PTPRT: variants seen among roughly 807,000 people sequenced by gnomAD.
The protein encoded by PTPRT is receptor-type tyrosine-protein phosphatase T.
In PTPRT, 56 loss-of-function variants were observed where a neutral mutation model predicts 176.8. The observed-to-expected ratio is 0.32, with a 90% CI of 0.26 to 0.40. The LOEUF (loss-of-function observed/expected upper bound fraction) is 0.40. Ranked by LOEUF, PTPRT falls within the 10% of genes least tolerant of loss-of-function variation. The probability of loss-of-function intolerance (pLI) is 1.00; values close to 1 mark genes in which losing one functional copy is unlikely to be tolerated. For missense variants in PTPRT, 1,540 were observed against 1,908.2 expected (o/e 0.81, Z 3.60); for synonymous variants, 783 against 739.0 (o/e 1.06, Z -0.96).
rs574361525 is a variant in PTPRT at position 42,477,650 on chromosome 20, G to C, written c.1154-5088C>G. ...GGTTTGTTGAATTTACATCCCCCGT[G>C]TAAATACAGCCAAGCCTAGAGCCTA... On this transcript the variant is annotated intron_variant, in intron 7 of 30. Coordinates refer to ENST00000373187, the MANE Select transcript of PTPRT (RefSeq NM_007050.6). 4.6e-5 allele frequency among the ~76,000 whole-genome samples: 7 copies of C among 152,298 alleles called. No individual in the cohort carries two copies. In the South Asian group the frequency reaches 1.4e-3, roughly 32 times the overall value.
In PTPRT at chr20:42,512,723, T is replaced by C. The variant is rs12625343; in HGVS notation, c.1154-40161A>G. Among the ~76,000 whole-genome samples the C allele has an allele frequency of 4.9e-4, 74 of 152,320 alleles. 1 individual carries two copies. In the East Asian group the frequency reaches 0.011, roughly 22 times the overall value. ...ATGTTTTCAAGCTGACTGCATACACTGTTCTGCATTTTATAAAAATCAGTG... is the reference window on the plus strand; with the variant it reads ...ATGTTTTCAAGCTGACTGCATACACCGTTCTGCATTTTATAAAAATCAGTG... On this transcript the variant is annotated intron_variant, in intron 7 of 30. Transcript: ENST00000373187.
intron 1 of PTPRT, among the ~76,000 whole-genome samples, chr20:43,061,016 A>G (rs74394861): frequency 0.1 from 15,404 of 152,168 alleles, 931 homozygotes; most frequent in African/African-American, 0.15. Context: ...AGATAGCTAG[A>G]TATCTAGATA....
At chr20:43,119,043 A>G (rs1272257529) in intron 1 of PTPRT, among the ~76,000 whole-genome samples, 1 of 152,248 alleles carries the variant, frequency 6.6e-6, no homozygotes, top group African/African-American at 2.4e-5. Flanking sequence ...CAATCTAAAT[A>G]TCCAATATTA....
chr20:42,982,983 G>A (rs540124662), intron 1 of PTPRT, among the ~76,000 whole-genome samples: 4 of 152,222 alleles, frequency 2.6e-5, no homozygotes, highest in African/African-American at 7.2e-5. Context: ...ACGGCCAGCC[G>A]GGGTCAGCAA....
downstream of PTPRT, among the ~76,000 whole-genome samples, chr20:42,072,239 G>A (rs573273920): frequency 3.0e-4 from 45 of 152,308 alleles, no homozygotes; most frequent in South Asian, 1.2e-3. Context: ...CCCCAGCCAA[G>A]CCTTGCCTAG....
intron 1 of PTPRT, among the ~76,000 whole-genome samples, chr20:43,107,685 A>G (rs1197067952): frequency 6.6e-6 from 1 of 152,224 alleles, no homozygotes; most frequent in Non-Finnish European, 1.5e-5. Context: ...AGGTTTACAC[A>G]CTAGGGTAAT....
intron 3 of PTPRT, among the ~76,000 whole-genome samples, chr20:42,790,069 A>G (rs1269345318): frequency 6.6e-6 from 1 of 152,246 alleles, no homozygotes; most frequent in African/African-American, 2.4e-5. Context: ...GATTAACTGC[A>G]AATGAGCACA....
chr20:43,017,735 C>T (rs1985445881), intron 1 of PTPRT, among the ~76,000 whole-genome samples: 1 of 152,164 alleles, frequency 6.6e-6, no homozygotes, highest in Non-Finnish European at 1.5e-5. Flanking sequence ...CACCATCTGC[C>T]AGAGCTCCTG....
intron 1 of PTPRT, among the ~76,000 whole-genome samples, chr20:42,904,516 C>T (rs1422081266): frequency 6.6e-6 from 1 of 152,048 alleles, no homozygotes; most frequent in Non-Finnish European, 1.5e-5. Flanking sequence ...AAGGCAATGC[C>T]CATAACAACA....
At chr20:42,575,585 G>C (rs1317028985) in intron 7 of PTPRT, among the ~76,000 whole-genome samples, 1 of 152,074 alleles carries the variant, frequency 6.6e-6, no homozygotes, top group African/African-American at 2.4e-5. Context: ...TTCTGTAAAG[G>C]ACCAGACAGT....
intron 6 of PTPRT, among the ~76,000 whole-genome samples, chr20:42,705,287 T>C (rs931649515): frequency 3.3e-5 from 5 of 152,102 alleles, no homozygotes; most frequent in African/African-American, 7.2e-5. Flanking sequence ...CAAGGCTGTT[T>C]ATTCACTTGG....
intron 13 of PTPRT, among the ~76,000 whole-genome samples, chr20:42,256,451 G>A (rs1340611092): frequency 1.3e-5 from 2 of 151,802 alleles, no homozygotes; most frequent in Non-Finnish European, 2.9e-5. Context: ...AACAGGAGGG[G>A]TGCGAGAAGC....
chr20:42,978,594 T>G (rs1486033980), intron 1 of PTPRT, among the ~76,000 whole-genome samples: 2 of 152,124 alleles, frequency 1.3e-5, no homozygotes, highest in Non-Finnish European at 1.5e-5. Context: ...TGGCCTGCAT[T>G]CCCAGACGGT....
intron 6 of PTPRT, among the ~76,000 whole-genome samples, chr20:42,732,652 G>A (rs1302912630): frequency 1.3e-4 from 20 of 152,198 alleles, no homozygotes; most frequent in Admixed American, 1.3e-3. Flanking sequence ...TTCATGCTTA[G>A]AGGTTTGGCA....
the PTPRT span, among the ~76,000 whole-genome samples, chr20:42,061,127 T>A: frequency 6.6e-6 from 1 of 152,208 alleles, no homozygotes; most frequent in Admixed American, 6.5e-5. Flanking sequence ...AACCTTCACA[T>A]CTCAGTGGCT....
chr20:42,653,970 G>A (rs904226330), intron 7 of PTPRT, among the ~76,000 whole-genome samples: 7 of 152,182 alleles, frequency 4.6e-5, no homozygotes, highest in African/African-American at 1.4e-4. Flanking sequence ...TTTCCAGGCC[G>A]TAAAACATTT....
intron 1 of PTPRT, among the ~76,000 whole-genome samples, chr20:43,124,132 A>G (rs886502128): frequency 6.6e-5 from 10 of 152,218 alleles, no homozygotes; most frequent in African/African-American, 2.4e-4. Context: ...CTCCTCTCCC[A>G]ATTCCATCCA....
chr20:42,757,568 A>C (rs933017444), intron 5 of PTPRT, among the ~76,000 whole-genome samples: 6 of 152,248 alleles, frequency 3.9e-5, no homozygotes, highest in Non-Finnish European at 7.3e-5. Flanking sequence ...ATCTCTAGTC[A>C]GTTCTCACAA....
rs778174338 is a variant in PTPRT, at chr20:42,199,269, G to A, written c.2462C>T (p.Ser821Phe). 2 of 1,614,182 alleles carry A rather than the reference G, an allele frequency of 1.2e-6. No homozygotes were observed. The highest frequency in any genetic ancestry group is 8.5e-7 in the Non-Finnish European group (1 of 1,180,028). ...TCCGTTGACGTCCTGAGAACTAGAA[G>A]AGAAGCCTTCATCATTGCGGCTGGC... is the stretch of plus-strand genomic sequence containing the variant. ...LSASRNDEGF[S>F]SSSQDVNGFT... The change falls in exon 16 of 31, where the codon TCT becomes TTT. Residue 821 changes from serine to phenylalanine, a missense_variant. Ser to Phe is a radical substitution (Grantham distance 155, BLOSUM62 -2). Coordinates refer to ENST00000373187, the MANE Select transcript of PTPRT (RefSeq NM_007050.6).
Sources: allele counts gnomAD v4.1 joint callset (sites outside exome capture counted in the v4.1 genomes callset), GRCh38; gene constraint gnomAD v4.1.1; transcripts MANE v1.5; gene names NCBI Gene and HGNC (gene_info 2026-07-23, HGNC 2026-07-21).